TRIM36: variants seen among roughly 807,000 people sequenced by gnomAD.
The protein encoded by TRIM36 is tripartite motif containing 36, also known as E3 ubiquitin-protein ligase TRIM36.
Under a neutral mutation model 72.4 loss-of-function variants are expected in TRIM36, and 42 were observed. The observed-to-expected ratio is 0.58, with a 90% CI of 0.45 to 0.75. The LOEUF (loss-of-function observed/expected upper bound fraction) is 0.75, where lower values mean the gene tolerates loss of function less well. Among genes scored for constraint, TRIM36 ranks in the 30% least tolerant of loss-of-function variants. TRIM36 has a pLI of 0.00. For missense variants in TRIM36, 913 were observed against 857.1 expected (o/e 1.07, Z -0.81); for synonymous variants, 315 against 282.8 (o/e 1.11, Z -1.14).
Position 115,147,059 on chromosome 5 carries a change from C to A in TRIM36, c.588+10G>T. 6.3e-7 allele frequency: 1 copy of A among 1,596,756 alleles called. No individual in the cohort carries two copies. The highest frequency in any genetic ancestry group is 8.5e-7 in the Non-Finnish European group (1 of 1,169,598). ...AAATAACATTCTAACTTAATAAAAA[C>A]TTCACTTACCTTGGGTCTGAAGTTA... On this transcript the variant is annotated intron_variant, in intron 3 of 9. Transcript: ENST00000513154.
chr5:115,151,108 C>G (rs532898273), intron 2 of TRIM36, among the ~76,000 whole-genome samples: 76 of 152,312 alleles, frequency 5.0e-4, no homozygotes, highest in African/African-American at 1.8e-3. Context: ...CTTGCTTTTG[C>G]AGCTGGGAGG....
intron 1 of TRIM36, chr5:115,177,221 T>C (rs1350738096): frequency 6.5e-6 from 1 of 153,756 alleles, no homozygotes; most frequent in Non-Finnish European, 1.4e-5. Flanking sequence ...TTTGAATACT[T>C]TACAACAAGC....
At chr5:115,170,938 T>C (rs1755085913), upstream of TRIM36, among the ~76,000 whole-genome samples, 1 of 152,200 alleles carries the variant, frequency 6.6e-6, no homozygotes, top group African/African-American at 2.4e-5. Context: ...GTGTTTCTGG[T>C]GTTGTTTTCA....
intron 2 of TRIM36, chr5:115,148,284 AG>A: frequency 1.1e-6 from 1 of 940,690 alleles, no homozygotes; most frequent in Non-Finnish European, 1.3e-6. Flanking sequence ...ATTTTTGTTC[AG>A]TATTATCCCA....
Position 115,176,195 on chromosome 5 carries a change from T to C in TRIM36, c.63+3780A>G, listed in dbSNP as rs113045759. On this transcript the variant is annotated intron_variant, in intron 1 of 9. Transcript: ENST00000282369. The stretch of plus-strand genomic sequence containing the variant: ...CAACCTTACCATTATCACCCCAGTT[T>C]AGATTTTAGTTGTGTGAGCAACTAT... Among the ~76,000 whole-genome samples the C allele has an allele frequency of 1.7e-3, 260 of 152,326 alleles. 1 individual carries two copies. Among genetic ancestry groups the C allele is most frequent in the African/African-American group, 6.1e-3 (254 of 41,582 alleles).
Position 115,137,391 on chromosome 5 carries a change from C to G in TRIM36, c.1057G>C (p.Val353Leu). The change falls in exon 6 of 10, where the codon GTG becomes CTG. Residue 353 changes from valine to leucine, a missense_variant. Coordinates refer to ENST00000513154, the MANE Select transcript of TRIM36 (RefSeq NM_001300759.2). ...VLKETDQSCFVQTAKQLHLRI... is the reference protein window; with the variant it reads ...VLKETDQSCFLQTAKQLHLRI... ...AGGTGGAGCTGCTTTGCTGTCTGCA[C>G]AAAGCAAGACTGATCTGTCTCCTTT... 1 of 1,612,106 alleles carries G rather than the reference C, an allele frequency of 6.2e-7. No homozygotes were observed. The highest frequency in any genetic ancestry group is 8.5e-7 in the Non-Finnish European group (1 of 1,179,502).
chr5:115,133,730 C>G, intron 8 of TRIM36, 130 bp downstream of exon 8: 1 of 903,778 alleles, frequency 1.1e-6, no homozygotes, highest in Non-Finnish European at 1.5e-6. Flanking sequence ...ATAGAAGCTA[C>G]TTTTCTGGAG....
chr5:115,169,839 C>G lies in TRIM36; in HGVS notation c.-205G>C. On this transcript the variant is annotated 5_prime_UTR_variant, in exon 1 of 10. Coordinates refer to ENST00000513154, the MANE Select transcript of TRIM36 (RefSeq NM_001300759.2). ...AAAGCACAGGCGCGGGAGAAGCGAG[C>G]TTTGCTCCCAGCGACTACCCCGGGA... is the stretch of plus-strand genomic sequence containing the variant. 1 of 1,316,832 alleles carries G rather than the reference C, an allele frequency of 7.6e-7. No homozygotes were observed. Among genetic ancestry groups the G allele is most frequent in the Non-Finnish European group, 9.7e-7 (1 of 1,030,974 alleles). 81.6% of individuals were successfully genotyped at this position (1,316,832 alleles called of 1,614,324 possible). A position where few individuals can be genotyped will look rare whatever the true frequency, so the allele number is the denominator to read the frequency against.
At chr5:115,157,393 G>A (rs1470543175) in intron 2 of TRIM36, among the ~76,000 whole-genome samples, 4 of 152,138 alleles carry the variant, frequency 2.6e-5, no homozygotes, top group East Asian at 3.9e-4. Flanking sequence ...TGAAACCCCC[G>A]TCTCTAGTAA....
rs1753477610 is a variant in TRIM36, at chr5:115,144,625, A to G, written c.708T>C (p.Thr236=). 1 of 1,614,020 alleles carries G rather than the reference A, an allele frequency of 6.2e-7. No homozygotes were observed. The highest frequency in any genetic ancestry group is 1.3e-5 in the African/African-American group (1 of 75,034). ...TTAAGGTTTTGTAGGCACTGCTCAT[A>G]GTGGTTACACGGTGGTTGGCATGAT... ...GGNHANHRVT[T]MSSAYKTLKE... Residue 236 remains threonine, a synonymous_variant, in exon 4 of 10, where the codon ACT becomes ACC. Transcript: ENST00000513154.
chr5:115,161,479 T>A (rs542363395), intron 2 of TRIM36, among the ~76,000 whole-genome samples: 2 of 152,334 alleles, frequency 1.3e-5, no homozygotes, highest in South Asian at 4.1e-4. Context: ...AAATGCTGCA[T>A]GGGTCACAGC....
Position 115,137,466 on chromosome 5 carries a change from G to A in TRIM36, c.982C>T (p.Gln328Ter). The A allele has an allele frequency of 6.2e-7, 1 of 1,614,068 alleles. No individual in the cohort carries two copies. Among genetic ancestry groups the A allele is most frequent in the Non-Finnish European group, 8.5e-7 (1 of 1,179,986 alleles). ...DKFQTQMEEY[Q>*]GLLENNGLVG... ...AGTCCATTGTTCTCTAGAAGTCCCTGGTACTCTTCCATTTGAGTCTGAAAT... is the reference window on the plus strand; with the variant it reads ...AGTCCATTGTTCTCTAGAAGTCCCTAGTACTCTTCCATTTGAGTCTGAAAT... Residue 328 changes from glutamine (Q) to a stop codon, truncating the protein, a stop_gained, in exon 6 of 10, where the codon CAG (glutamine) becomes TAG (stop). Coordinates refer to ENST00000513154, the MANE Select transcript of TRIM36 (RefSeq NM_001300759.2). LOFTEE classifies it high-confidence loss of function.
intron 9 of TRIM36, among the ~76,000 whole-genome samples, chr5:115,127,459 G>A (rs975445309): frequency 6.6e-6 from 1 of 152,210 alleles, no homozygotes; most frequent in African/African-American, 2.4e-5. Context: ...TACTTGGGAG[G>A]CTGAGGCATA....
chr5:115,150,825 T>A (rs1382022148), intron 2 of TRIM36, among the ~76,000 whole-genome samples: 1 of 152,012 alleles, frequency 6.6e-6, no homozygotes, highest in East Asian at 1.9e-4. Context: ...TGGAGCTGAG[T>A]CAATTTAGAG....
In TRIM36 at chr5:115,144,743, A is replaced by G. The variant is rs1043472448; in HGVS notation, c.590T>C (p.Ile197Thr). 6.2e-6 allele frequency: 10 copies of G among 1,611,486 alleles called. No homozygotes were observed. Among genetic ancestry groups the G allele is most frequent in the Non-Finnish European group, 7.6e-6 (9 of 1,179,546 alleles). The part of the protein sequence containing the change: ...VGPTTNFRPK[I>T]LMCPEHETER... ...TGTTTCATGTTCTGGGCACATTAAAATCTATTGAGTAAAGAATAAAAGTGT... is the reference window on the plus strand; with the variant it reads ...TGTTTCATGTTCTGGGCACATTAAAGTCTATTGAGTAAAGAATAAAAGTGT... Residue 197 changes from isoleucine (I) to threonine (T), a missense_variant and splice_region_variant, in exon 4 of 10, where the codon ATT becomes ACT. Physicochemically the swap from Ile to Thr is moderately conservative, Grantham distance 89. Coordinates refer to ENST00000513154, the MANE Select transcript of TRIM36 (RefSeq NM_001300759.2).
In TRIM36 at chr5:115,144,761, A is replaced by G. The variant is rs1239912846; in HGVS notation, c.589-17T>C. The G allele has an allele frequency of 1.2e-6, 2 of 1,600,126 alleles. No individual in the cohort carries two copies. The highest frequency in any genetic ancestry group is 1.1e-5 in the South Asian group (1 of 87,868). Reference sequence around the variant, plus strand: ...CATTAAAATCTATTGAGTAAAGAATAAAAGTGTGATTAAGGATCTAGGTTT... The same window carrying G: ...CATTAAAATCTATTGAGTAAAGAATGAAAGTGTGATTAAGGATCTAGGTTT... On this transcript the variant is annotated splice_polypyrimidine_tract_variant and intron_variant, in intron 3 of 9. Coordinates refer to ENST00000513154, the MANE Select transcript of TRIM36 (RefSeq NM_001300759.2).
chr5:115,179,838 G>C, intron 1 of TRIM36: 2 of 770,440 alleles, frequency 2.6e-6, no homozygotes, highest in Non-Finnish European at 4.3e-6. Context: ...GGGACGCCCG[G>C]GCTGCGAGCG....
intron 1 of TRIM36, among the ~76,000 whole-genome samples, chr5:115,175,856 G>A (rs1220679526): frequency 6.6e-6 from 1 of 152,128 alleles, no homozygotes; most frequent in South Asian, 2.1e-4. Flanking sequence ...CGGATGCGGT[G>A]GCTCACCCCT....
chr5:115,172,382 T>TGGA (rs767338618), upstream of TRIM36, among the ~76,000 whole-genome samples: 3 of 152,194 alleles, frequency 2.0e-5, no homozygotes, highest in Non-Finnish European at 4.4e-5. Flanking sequence ...TCATGCATAA[T>TGGA]ATACATTCAT....
Sources: gnomAD v4.1 joint callset for allele counts (sites outside exome capture counted in the v4.1 genomes callset) on GRCh38, gnomAD v4.1.1 for gene constraint, MANE v1.5 for transcripts, NCBI Gene and HGNC (gene_info 2026-07-23, HGNC 2026-07-21) for gene names.